ZNF462: variants seen among roughly 807,000 people sequenced by gnomAD.
ZNF462 encodes zinc finger protein 462.
A neutral mutation model predicts 201.9 loss-of-function variants in ZNF462; 10 were observed. That is an observed-to-expected ratio of 0.05 (90% confidence interval 0.03 to 0.08). The LOEUF is 0.08. Among genes scored for constraint, ZNF462 ranks in the 10% least tolerant of loss-of-function variants. ZNF462 has a pLI of 1.00. For missense variants in ZNF462, 2,523 were observed against 3,168.3 expected, an observed-to-expected ratio of 0.80 and a Z score of 4.89; for synonymous variants, 1,227 against 1,193.3, an observed-to-expected ratio of 1.03 and a Z score of -0.58.
intron 1 of ZNF462, among the ~76,000 whole-genome samples, chr9:106,881,632 C>T (rs1175934217): frequency 6.6e-6 from 1 of 152,176 alleles, no homozygotes; most frequent in African/African-American, 2.4e-5. Flanking sequence ...CAGTGACTAT[C>T]TGATTAGAAG....
rs781746066 is a variant in ZNF462, at chr9:106,927,409, C to T, written c.3497C>T (p.Ser1166Phe). The change falls in exon 3 of 13, where the codon TCC becomes TTC. Residue 1166 changes from serine (S) to phenylalanine (F), a missense_variant. Ser to Phe is a radical substitution (Grantham distance 155). This residue lies in a region of ZNF462 where 222 missense variants were observed against 271.6 expected (regional missense o/e 0.82). Transcript: ENST00000277225. ...MMRGVEGPQG[S>F]PRPPAPIQQL... is the part of the protein sequence containing the mutation. ...AGAGGGGTCGAAGGGCCCCAAGGCT[C>T]CCCCCGGCCACCCGCCCCCATACAA... 1.5e-5 allele frequency: 24 copies of T among 1,613,422 alleles called. No individual in the cohort carries two copies. The East Asian group carries it at 4.9e-4, about 33-fold the overall frequency.
chr9:106,911,670 A>C (rs1054807649), intron 1 of ZNF462, among the ~76,000 whole-genome samples: 1 of 152,232 alleles, frequency 6.6e-6, no homozygotes, highest in Non-Finnish European at 1.5e-5. Context: ...AGTGTTCTAC[A>C]TGGAGGAAAA....
intron 1 of ZNF462, among the ~76,000 whole-genome samples, chr9:106,899,374 G>A (rs961097590): frequency 6.6e-6 from 1 of 152,082 alleles, no homozygotes; most frequent in Non-Finnish European, 1.5e-5. Context: ...AGACCATCTC[G>A]CAGATGAGGC....
intron 1 of ZNF462, among the ~76,000 whole-genome samples, chr9:106,910,361 A>AGTTTTTTTTTTTT (rs1564091795): frequency 2.0e-4 from 10 of 49,844 alleles, no homozygotes; most frequent in African/African-American, 6.5e-4. Flanking sequence ...CCCTTGTTTT[A>AGTTTTTTTTTTTT]GTTTTTTTTT....
In ZNF462 at chr9:106,925,052, C is replaced by T; in HGVS notation, c.1140C>T (p.Asn380=). 2.5e-6 allele frequency: 4 copies of T among 1,614,214 alleles called. No homozygotes were observed. The highest frequency in any genetic ancestry group is 2.2e-5 in the South Asian group (2 of 91,080). The change falls in exon 3 of 13, where the codon AAC becomes AAT. Residue 380 remains asparagine, a synonymous_variant. Coordinates refer to ENST00000277225, the MANE Select transcript of ZNF462 (RefSeq NM_021224.6). The surrounding 1 kb of genome is among the most constrained non-coding windows in gnomAD (Gnocchi z 7.9). ...ATTCTTCTGCTGACCTGGAAACTAACAGCATGCTAAATGACTCTAGTTCTG... is the reference window on the plus strand; with the variant it reads ...ATTCTTCTGCTGACCTGGAAACTAATAGCATGCTAAATGACTCTAGTTCTG... ...MTNSSADLET[N]SMLNDSSSDE...
chr9:106,993,463 A>T lies in ZNF462; in HGVS notation c.7056+9054A>T, dbSNP rs1828442694. Among the ~76,000 whole-genome samples, 1 of 152,088 alleles carries T rather than the reference A, an allele frequency of 6.6e-6. No individual in the cohort carries two copies. ...TAGATCTTTATCTTTGTTACTAGTG[A>T]GCGAGGCATCACTTGTAATCTCTTA... On this transcript the variant is annotated intron_variant, in intron 10 of 12. Coordinates refer to ENST00000277225, the MANE Select transcript of ZNF462 (RefSeq NM_021224.6). The surrounding 1 kb of genome is among the most constrained non-coding windows in gnomAD (Gnocchi z 4.0).
chr9:106,914,148 T>C (rs1453234645), intron 1 of ZNF462, among the ~76,000 whole-genome samples: 1 of 149,848 alleles, frequency 6.7e-6, no homozygotes, highest in Non-Finnish European at 1.5e-5. Flanking sequence ...ACCACACAAT[T>C]CTAAAATCTT....
intron 1 of ZNF462, among the ~76,000 whole-genome samples, chr9:106,875,990 T>C (rs1318700594): frequency 1.3e-5 from 2 of 152,220 alleles, no homozygotes; most frequent in Non-Finnish European, 2.9e-5. Flanking sequence ...TAGGCACTTA[T>C]TTTTCTCTAA....
At chr9:106,918,084 C>T (rs1398539409) in intron 1 of ZNF462, among the ~76,000 whole-genome samples, 2 of 152,020 alleles carry the variant, frequency 1.3e-5, no homozygotes, top group Middle Eastern at 3.4e-3. Flanking sequence ...ACCATGTTGA[C>T]CAGACTGGTC....
At chr9:106,868,074 G>GAA (rs5899719) in intron 1 of ZNF462, among the ~76,000 whole-genome samples, 2,076 of 145,320 alleles carry the variant, frequency 0.014, 25 homozygotes, top group Non-Finnish European at 0.019. Context: ...CCAGTGAACT[G>GAA]AAAAAAAAAA....
At chr9:106,955,541 A>G (rs1342624004) in intron 7 of ZNF462, among the ~76,000 whole-genome samples, 1 of 152,116 alleles carries the variant, frequency 6.6e-6, no homozygotes, top group East Asian at 1.9e-4. Context: ...TCAGTTTCTT[A>G]AAGTAAAACA....
Position 107,006,228 on chromosome 9 carries a change from TTCCTAGAA to T in ZNF462, c.7189+2804_7189+2811del, listed in dbSNP as rs930400010. On this transcript the variant is annotated intron_variant, in intron 11 of 12. Coordinates refer to ENST00000277225, the MANE Select transcript of ZNF462 (RefSeq NM_021224.6). The surrounding 1 kb of genome is among the most constrained non-coding windows in gnomAD (Gnocchi z 4.3). ...GATAACACAGAAGACCTTCACCCAG[TTCCTAGAA>T]TATAACAATCACCTAATAAATGATA... 3.9e-5 allele frequency among the ~76,000 whole-genome samples: 6 copies of T among 152,174 alleles called. No homozygotes were observed. The highest frequency in any genetic ancestry group is 8.8e-5 in the Non-Finnish European group (6 of 68,032).
At chr9:106,901,663 T>C (rs1452423378) in intron 1 of ZNF462, among the ~76,000 whole-genome samples, 1 of 152,128 alleles carries the variant, frequency 6.6e-6, no homozygotes, top group Admixed American at 6.6e-5. Flanking sequence ...TAAGTACTTA[T>C]TTTATTTTTT....
rs1182640618 is a variant in ZNF462, at chr9:106,975,257, C to G, written c.6832+984C>G. On this transcript the variant is annotated intron_variant, in intron 9 of 12. Transcript: ENST00000277225. ...CCCTCCTATCTTCATTCCTTCGCCTCTGACCTTAGAAAGCCTTCCAATATT... is the reference window on the plus strand; with the variant it reads ...CCCTCCTATCTTCATTCCTTCGCCTGTGACCTTAGAAAGCCTTCCAATATT... 5.3e-5 allele frequency: 8 copies of G among 152,368 alleles called. No homozygotes were observed. The East Asian group carries it at 1.5e-3, about 29-fold the overall frequency. The allele number at this position is 152,368 out of a possible 1,614,324, so 9.4% of individuals were successfully genotyped here. A position where few individuals can be genotyped will look rare whatever the true frequency, so the allele number is the denominator to read the frequency against.
rs781185462 is a variant in ZNF462, at chr9:106,932,574, G to A, written c.6116+25G>A. 6.2e-7 allele frequency: 1 copy of A among 1,614,040 alleles called. No homozygotes were observed. The highest frequency in any genetic ancestry group is 1.7e-5 in the Admixed American group (1 of 60,010). ...AGTAAGTGCTATTGGGGGGTCACTA[G>A]TGGTTACTGGGAGATGATGTCATAG... On this transcript the variant is annotated intron_variant, in intron 5 of 12. Coordinates refer to ENST00000277225, the MANE Select transcript of ZNF462 (RefSeq NM_021224.6). The surrounding 1 kb of genome is among the most constrained non-coding windows in gnomAD (Gnocchi z 6.8).
intron 5 of ZNF462, among the ~76,000 whole-genome samples, chr9:106,934,117 A>G (rs1310926436): frequency 6.6e-6 from 1 of 152,164 alleles, no homozygotes; most frequent in African/African-American, 2.4e-5. Context: ...GCCTTTAAAT[A>G]TTACTTAATT....
At chr9:106,943,064 G>GTGTGTGTC (rs1830952753) in intron 7 of ZNF462, among the ~76,000 whole-genome samples, 1 of 149,810 alleles carries the variant, frequency 6.7e-6, no homozygotes, top group African/African-American at 2.4e-5. Flanking sequence ...GCGCGCGTGT[G>GTGTGTGTC]TGTGTGTGTG....
At position 106,913,011 on chromosome 9, in the gene ZNF462, A is replaced by G. The variant is rs1445177663; in HGVS notation, c.-30-10343A>G. ...AGGCTTTGTGGAGGGAAGGCAACCA[A>G]ATGGTCTCAAGTGTAGTCAGGTGAT... is the stretch of plus-strand genomic sequence containing the variant. On this transcript the variant is annotated intron_variant, in intron 1 of 12. Transcript: ENST00000277225. This position sits in a 1 kb window ranked among gnomAD's most constrained non-coding sequence, Gnocchi z 4.1. Among the ~76,000 whole-genome samples the G allele has an allele frequency of 6.6e-6, 1 of 152,194 alleles. No homozygotes were observed. Among genetic ancestry groups the G allele is most frequent in the Non-Finnish European group, 1.5e-5 (1 of 68,042 alleles).
Position 106,885,363 on chromosome 9 carries a change from A to G in ZNF462, c.-31+22008A>G, listed in dbSNP as rs1431162924. Among the ~76,000 whole-genome samples, 9 of 152,202 alleles carry G rather than the reference A, an allele frequency of 5.9e-5. No individual in the cohort carries two copies. Among genetic ancestry groups the G allele is most frequent in the Admixed American group, 5.9e-4 (9 of 15,282 alleles). ...AGAAGAGAAGAAACAATTGAGTAGA[A>G]AAAGAAAATAATTTGAGAAAACTTG... On this transcript the variant is annotated intron_variant, in intron 1 of 12. Transcript: ENST00000277225. This position sits in a 1 kb window ranked among gnomAD's most constrained non-coding sequence, Gnocchi z 4.1.
Sources: allele counts gnomAD v4.1 joint callset (sites outside exome capture counted in the v4.1 genomes callset), GRCh38; gene constraint gnomAD v4.1.1; regional missense constraint gnomAD v4.1.1; non-coding constraint Gnocchi (gnomAD v3.1); transcripts MANE v1.5; gene names NCBI Gene and HGNC (gene_info 2026-07-23, HGNC 2026-07-21).